Variants in HIPK1 observed in about 807,000 individuals in gnomAD.
HIPK1 encodes the protein homeodomain interacting protein kinase 1.
Under a neutral mutation model 117.1 loss-of-function variants are expected in HIPK1, and 28 were observed. The ratio of observed to expected loss-of-function variants is 0.24; its 90% CI spans 0.18 to 0.33. The LOEUF is 0.33. HIPK1 is among the 10% of genes least tolerant of loss of function. HIPK1 has a pLI of 1.00. For synonymous variants in HIPK1, 605 were observed against 562.5 expected (o/e 1.08, Z -1.07); for missense variants, 1,122 against 1,475.1 (o/e 0.76, Z 3.92).
Position 113,958,059 on chromosome 1 carries a change from T to A in HIPK1, c.1756-7T>A. 10 of 1,604,920 alleles carry A rather than the reference T, an allele frequency of 6.2e-6. No homozygotes were observed. The highest frequency in any genetic ancestry group is 8.5e-6 in the Non-Finnish European group (10 of 1,171,682). On this transcript the variant is annotated splice_region_variant and splice_polypyrimidine_tract_variant and intron_variant, in intron 7 of 15. Transcript: ENST00000426820. ...CAAGTGTACAAATATAATCCTTTTG[T>A]TTTTAGGCCAGTGTTCTAGCTTCCA...
In HIPK1 at chr1:113,954,759, T is replaced by C. The variant is rs1218022019; in HGVS notation, c.1309T>C (p.Trp437Arg). The C allele has an allele frequency of 1.6e-5, 26 of 1,614,050 alleles. No homozygotes were observed. Among genetic ancestry groups the C allele is most frequent in the Non-Finnish European group, 2.2e-5 (26 of 1,179,934 alleles). Residue 437 changes from tryptophan (W) to arginine (R), a missense_variant, in exon 4 of 16, where the codon TGG becomes CGG. Physicochemically the swap from Trp to Arg is moderately radical, Grantham distance 101. This residue lies in a region of HIPK1 where 127 missense variants were observed against 197.9 expected (regional missense o/e 0.64). Transcript: ENST00000426820. ...NRDPNLGYPL[W>R]RLKTPEEHEL... ...AGATCCTAATTTGGGGTACCCACTG[T>C]GGAGGCTTAAGGTCTGTCTTCCCTA...
In HIPK1 at chr1:113,957,205, C is replaced by T. The variant is rs146758683; in HGVS notation, c.1674C>T (p.Pro558=). The change falls in exon 7 of 16, where the codon CCC becomes CCT. Residue 558 remains proline (P), a synonymous_variant. Transcript: ENST00000426820. The part of the protein sequence containing the change: ...MYDTVSQIKS[P]FTTHVAPNTS... ...ATACAGTGAGTCAGATCAAGAGTCC[C>T]TTCACTACACATGTTGCCCCAAATA... 59 of 1,613,428 alleles carry T rather than the reference C, an allele frequency of 3.7e-5. No homozygotes were observed. Among genetic ancestry groups the T allele is most frequent in the Non-Finnish European group, 5.0e-5 (59 of 1,179,524 alleles).
Position 113,976,254 on chromosome 1 carries a change from C to A in HIPK1, c.*2742C>A, listed in dbSNP as rs916472242. 1 of 152,416 alleles carries A rather than the reference C, an allele frequency of 6.6e-6. No homozygotes were observed. The highest frequency in any genetic ancestry group is 2.4e-5 in the African/African-American group (1 of 41,426). 9.4% of individuals were successfully genotyped at this position (152,416 alleles called of 1,614,324 possible). On this transcript the variant is annotated 3_prime_UTR_variant, in exon 16 of 16. Transcript: ENST00000426820. Reference sequence around the variant, plus strand: ...CACTATATTGGTCAAGATAGCCAAGCAGTTTGTATAATTTCTGTCACTAGT... The same window carrying A: ...CACTATATTGGTCAAGATAGCCAAGAAGTTTGTATAATTTCTGTCACTAGT...
At position 113,929,518 on chromosome 1, in the gene HIPK1, T is replaced by C; in HGVS notation, c.-17T>C. ...GATCGTCCTAGAGAGTCCATTCAGC[T>C]GCACTTCCGCCTCAGTAGGTGTCAT... On this transcript the variant is annotated 5_prime_UTR_variant, in exon 1 of 16. Transcript: ENST00000426820. 7.8e-7 allele frequency: 1 copy of C among 1,289,012 alleles called. No individual in the cohort carries two copies. Among genetic ancestry groups the C allele is most frequent in the Non-Finnish European group, 1.0e-6 (1 of 988,624 alleles). The allele number at this position is 1,289,012 out of a possible 1,614,324, so 79.8% of individuals were successfully genotyped here.
chr1:113,929,934 C>G, intron 1 of HIPK1: 3 of 985,468 alleles, frequency 3.0e-6, no homozygotes, highest in African/African-American at 3.5e-5. Flanking sequence ...ACCAGACACA[C>G]CGGCGGTGAG....
At chr1:113,968,310 T>C in intron 12 of HIPK1, 132 bp from the exon 13 acceptor site, 1 of 702,944 alleles carries the variant, frequency 1.4e-6, no homozygotes, top group Non-Finnish European at 2.5e-6. Context: ...GGAACTTATA[T>C]AGTTAAATGT....
chr1:113,943,336 A>G (rs1670775054), intron 2 of HIPK1, among the ~76,000 whole-genome samples: 1 of 152,174 alleles, frequency 6.6e-6, no homozygotes, highest in Non-Finnish European at 1.5e-5. Context: ...TTCTGTCTCT[A>G]TGAATTTGCC....
At chr1:113,967,022 A>G (rs143312522) in intron 11 of HIPK1, among the ~76,000 whole-genome samples, 1 of 152,142 alleles carries the variant, frequency 6.6e-6, no homozygotes, top group Admixed American at 6.5e-5. Context: ...TTCACTTAAC[A>G]TGATGATCTT....
At chr1:113,965,706 C>T (rs765237615) in intron 10 of HIPK1, among the ~76,000 whole-genome samples, 19 of 152,124 alleles carry the variant, frequency 1.2e-4, no homozygotes, top group Non-Finnish European at 2.6e-4. Flanking sequence ...GATCTGATAC[C>T]TTATCTGATT....
intron 2 of HIPK1, among the ~76,000 whole-genome samples, chr1:113,949,496 C>T (rs1252671150): frequency 6.6e-6 from 1 of 151,972 alleles, no homozygotes; most frequent in African/African-American, 2.4e-5. Context: ...GAAAACATGC[C>T]ATTATGGTTG....
chr1:113,947,114 A>G (rs1571677025), intron 2 of HIPK1, among the ~76,000 whole-genome samples: 1 of 152,152 alleles, frequency 6.6e-6, no homozygotes, highest in East Asian at 1.9e-4. Flanking sequence ...TTCTGATAAT[A>G]TGCCAGTATT....
chr1:113,946,748 CAG>C (rs1671015792), intron 2 of HIPK1, among the ~76,000 whole-genome samples: 1 of 152,180 alleles, frequency 6.6e-6, no homozygotes, highest in Non-Finnish European at 1.5e-5. Context: ...CTCTTAAAAA[CAG>C]GAGTTCATTC....
chr1:113,968,514 T>G lies in HIPK1; in HGVS notation c.2637T>G (p.Ser879=). 6.2e-7 allele frequency: 1 copy of G among 1,614,114 alleles called. No individual in the cohort carries two copies. Among genetic ancestry groups the G allele is most frequent in the South Asian group, 1.1e-5 (1 of 91,076 alleles). ...VGSSPLRTTS[S]YNSLVPVQDQ... is the part of the protein sequence containing the mutation. ...GCAGTCCCCTCCGCACCACATCTTC[T>G]TATAATTCCTTGGTCCCTGTCCAAG... The change falls in exon 13 of 16, where the codon TCT becomes TCG. Residue 879 remains serine (S), a synonymous_variant. Coordinates refer to ENST00000426820, the MANE Select transcript of HIPK1 (RefSeq NM_198268.3).
At chr1:113,970,779 AC>A (rs1249583848) in intron 14 of HIPK1, among the ~76,000 whole-genome samples, 2 of 152,214 alleles carry the variant, frequency 1.3e-5, no homozygotes, top group Non-Finnish European at 2.9e-5. Context: ...TTGTAGCATA[AC>A]ATAGTAGAAT....
At chr1:113,937,211 T>A (rs1211428560) in intron 1 of HIPK1, among the ~76,000 whole-genome samples, 1 of 152,246 alleles carries the variant, frequency 6.6e-6, no homozygotes, top group Non-Finnish European at 1.5e-5. Context: ...AAATCTCAAC[T>A]GAGTTTTAGA....
At position 113,940,517 on chromosome 1, in the gene HIPK1, A is replaced by G. The variant is rs749199103; in HGVS notation, c.134A>G (p.His45Arg). The G allele has an allele frequency of 1.2e-6, 2 of 1,614,040 alleles. No homozygotes were observed. The highest frequency in any genetic ancestry group is 2.7e-5 in the African/African-American group (2 of 74,902). The stretch of plus-strand genomic sequence containing the variant: ...AGTAGCAACGACAAATATTATACCC[A>G]CAGCAAAACCCTCCCAGCCACACAA... The part of the protein sequence containing the change: ...GQSSNDKYYT[H>R]SKTLPATQGQ... The change falls in exon 2 of 16, where the codon CAC becomes CGC. Residue 45 changes from histidine (H) to arginine (R), a missense_variant. By Grantham distance (29) the His-to-Arg change is conservative. Transcript: ENST00000426820.
rs1265648767 is a variant in HIPK1, at chr1:113,957,116, C to T, written c.1593-8C>T. ...ATTCATTTAATGAATCTTTAATCTCCTTTTCAGTGTTAAGTCTTGTTTTCA... is the reference window on the plus strand; with the variant it reads ...ATTCATTTAATGAATCTTTAATCTCTTTTTCAGTGTTAAGTCTTGTTTTCA... On this transcript the variant is annotated splice_region_variant and splice_polypyrimidine_tract_variant and intron_variant, in intron 6 of 15. Transcript: ENST00000426820. 6.2e-7 allele frequency: 1 copy of T among 1,607,492 alleles called. No homozygotes were observed. The highest frequency in any genetic ancestry group is 1.7e-5 in the Admixed American group (1 of 59,632).
Position 113,940,458 on chromosome 1 carries a change from A to G in HIPK1, c.75A>G (p.Lys25=). The change falls in exon 2 of 16, where the codon AAA becomes AAG. Residue 25 remains lysine, a synonymous_variant. Coordinates refer to ENST00000426820, the MANE Select transcript of HIPK1 (RefSeq NM_198268.3). ...CCTTCTGCAGTGCGAAGAAACTGAA[A>G]ATAGAGCCCTCTGGCTGGGATGTTT... The part of the protein sequence containing the change: ...SSAFCSAKKL[K]IEPSGWDVSG... The G allele has an allele frequency of 6.2e-7, 1 of 1,614,168 alleles. No homozygotes were observed. The highest frequency in any genetic ancestry group is 1.3e-5 in the African/African-American group (1 of 75,044).
At position 113,952,900 on chromosome 1, in the gene HIPK1, T is replaced by C. The variant is rs758440482; in HGVS notation, c.1200+11T>C. 4 of 1,479,270 alleles carry C rather than the reference T, an allele frequency of 2.7e-6. No individual in the cohort carries two copies. The highest frequency in any genetic ancestry group is 3.7e-4 in the Middle Eastern group (2 of 5,478). 91.6% of individuals were successfully genotyped at this position (1,479,270 alleles called of 1,614,324 possible). A position where few individuals can be genotyped will look rare whatever the true frequency, so the allele number is the denominator to read the frequency against. On this transcript the variant is annotated intron_variant, in intron 3 of 15. Transcript: ENST00000426820. ...TCAGAATATGATCAGGTAAAAGTGT[T>C]TATTTGAATGGAAATAGAATGCAAA...
Sources: gnomAD v4.1 joint callset for allele counts (sites outside exome capture counted in the v4.1 genomes callset) on GRCh38, gnomAD v4.1.1 for gene constraint, gnomAD v4.1.1 regional missense constraint, MANE v1.5 for transcripts, NCBI Gene and HGNC (gene_info 2026-07-23, HGNC 2026-07-21) for gene names.